Variants in BDP1 observed in about 807,000 individuals in gnomAD.
The protein encoded by BDP1 is BDP1 general transcription factor IIIB subunit.
A neutral mutation model predicts 266.6 loss-of-function variants in BDP1; 169 were observed. That is an observed-to-expected ratio of 0.63 (90% CI 0.56 to 0.72). The LOEUF (loss-of-function observed/expected upper bound fraction) is 0.72, where lower values mean the gene tolerates loss of function less well. BDP1 is among the 30% of genes least tolerant of loss of function. BDP1 has a pLI of 0.00. For synonymous variants in BDP1, 1,090 were observed against 1,022.4 expected, an observed-to-expected ratio of 1.07 and a Z score of -1.26; for missense variants, 3,015 against 3,053.8, an observed-to-expected ratio of 0.99 and a Z score of 0.30.
chr5:71,468,245 C>T (rs889555802), intron 6 of BDP1, among the ~76,000 whole-genome samples: 30 of 152,034 alleles, frequency 2.0e-4, no homozygotes, highest in Admixed American at 4.6e-4. Flanking sequence ...TCTCAAACTC[C>T]TGACCTCAGG....
intron 7 of BDP1, among the ~76,000 whole-genome samples, chr5:71,477,868 C>T (rs1214421740): frequency 6.6e-6 from 1 of 152,124 alleles, no homozygotes; most frequent in East Asian, 1.9e-4. Context: ...AATCTGCCGC[C>T]TCAGCCTCCC....
At position 71,486,554 on chromosome 5, in the gene BDP1, A is replaced by T. The variant is rs748150375; in HGVS notation, c.1140A>T (p.Lys380Asn). The T allele has an allele frequency of 6.5e-7, 1 of 1,544,344 alleles. No homozygotes were observed. The highest frequency in any genetic ancestry group is 1.3e-5 in the South Asian group (1 of 78,432). ...AGAAAGTTCTTGCTGAAGAAGAGAA[A>T]AGAAAACAAAAATCTGTTAAAAATC... ...LLQKVLAEEE[K>N]RKQKSVKNHS... Residue 380 changes from lysine (K) to asparagine (N), a missense_variant, in exon 9 of 39, where the codon AAA becomes AAT. By Grantham distance (94) the Lys-to-Asn change is moderately conservative. This residue lies in a region of BDP1 where 2,383 missense variants were observed against 2,404.9 expected (regional missense o/e 0.99). Transcript: ENST00000358731.
In BDP1 at chr5:71,510,162, A is replaced by G; in HGVS notation, c.3070A>G (p.Lys1024Glu). 6.2e-7 allele frequency: 1 copy of G among 1,613,880 alleles called. No homozygotes were observed. Among genetic ancestry groups the G allele is most frequent in the Non-Finnish European group, 8.5e-7 (1 of 1,179,980 alleles). ...ATGRESSPRE[K>E]TPEVIDATEE... is the part of the protein sequence containing the mutation. ...TGGAAGAGAGAGTTCTCCAAGGGAG[A>G]AGACACCAGAGGTGATTGATGCTAC... The change falls in exon 17 of 39, where the codon AAG becomes GAG. Residue 1024 changes from lysine to glutamate, a missense_variant. This residue lies in a region of BDP1 where 2,383 missense variants were observed against 2,404.9 expected (regional missense o/e 0.99). Coordinates refer to ENST00000358731, the MANE Select transcript of BDP1 (RefSeq NM_018429.3).
intron 13 of BDP1, among the ~76,000 whole-genome samples, chr5:71,500,568 C>A (rs1197005975): frequency 6.6e-6 from 1 of 151,890 alleles, no homozygotes; most frequent in Non-Finnish European, 1.5e-5. Flanking sequence ...CTCAGGTGGT[C>A]CACCTGCCTC....
chr5:71,531,435 G>T (rs439928), intron 25 of BDP1, among the ~76,000 whole-genome samples: 1 of 152,136 alleles, frequency 6.6e-6, no homozygotes, highest in South Asian at 2.1e-4. Context: ...TGGGTATCAA[G>T]AATCGTGCAG....
rs1764259306 is a variant in BDP1 at position 71,501,842 on chromosome 5, AT to A, written c.2048+193del. ...TCTCTGCTTGATATTGCTTATATAA[AT>A]TTTATGAGTCTATTGAGTTAGCCAT... On this transcript the variant is annotated intron_variant, in intron 14 of 38. Transcript: ENST00000358731. 3.9e-5 allele frequency among the ~76,000 whole-genome samples: 6 copies of A among 152,122 alleles called. No homozygotes were observed. The South Asian group carries it at 1.2e-3, about 32-fold the overall frequency.
intron 9 of BDP1, among the ~76,000 whole-genome samples, chr5:71,487,523 G>A (rs1421515821): frequency 2.0e-5 from 3 of 152,152 alleles, no homozygotes; most frequent in African/African-American, 2.4e-5. Flanking sequence ...GATTACAGGC[G>A]TGAGCCACCG....
intron 34 of BDP1, among the ~76,000 whole-genome samples, chr5:71,551,880 G>C (rs986049052): frequency 6.7e-6 from 1 of 148,634 alleles, no homozygotes; most frequent in African/African-American, 2.5e-5. Context: ...CCTCCCGGAC[G>C]GGGCAGCTGG....
At chr5:71,473,582 AAG>A (rs1762404145) in intron 7 of BDP1, among the ~76,000 whole-genome samples, 1 of 151,682 alleles carries the variant, frequency 6.6e-6, no homozygotes, top group Non-Finnish European at 1.5e-5. Context: ...TTCTTAATGT[AAG>A]TTTTAGGTTT....
At chr5:71,552,071 C>G (rs1466695442) in intron 34 of BDP1, among the ~76,000 whole-genome samples, 1 of 150,190 alleles carries the variant, frequency 6.7e-6, no homozygotes, top group Non-Finnish European at 1.5e-5. Flanking sequence ...GACGGGGTGG[C>G]TGCCGGTAGG....
intron 25 of BDP1, among the ~76,000 whole-genome samples, chr5:71,527,331 C>T (rs1432375968): frequency 2.0e-5 from 3 of 152,138 alleles, no homozygotes; most frequent in East Asian, 1.9e-4. Context: ...ATCTCTATGC[C>T]GTCTGGCCTG....
chr5:71,562,802 G>A (rs1443985657), intron 38 of BDP1: 9 of 1,344,428 alleles, frequency 6.7e-6, no homozygotes, highest in Non-Finnish European at 6.8e-6. Context: ...GGAAGCAAAA[G>A]GAAGCAGTGC....
At chr5:71,509,124 A>G (rs1289632666) in intron 16 of BDP1, among the ~76,000 whole-genome samples, 2 of 152,214 alleles carry the variant, frequency 1.3e-5, no homozygotes, top group African/African-American at 2.4e-5. Flanking sequence ...GCAGACATAC[A>G]TCAATCTAGC....
intron 25 of BDP1, among the ~76,000 whole-genome samples, chr5:71,529,637 G>A (rs1262021682): frequency 6.6e-6 from 1 of 152,214 alleles, no homozygotes. Context: ...GTTACAGTAA[G>A]CTACAATCAT....
Position 71,514,984 on chromosome 5 carries a change from T to C in BDP1, c.4511T>C (p.Leu1504Ser), listed in dbSNP as rs2150486982. The stretch of plus-strand genomic sequence containing the variant: ...ATGATATCAAGAGAAAAAGACACAT[T>C]AGGTCACAGGAATGAGGAGGCTGTG... The part of the protein sequence containing the change: ...SLMISREKDT[L>S]GHRNEEAVIL... The change falls in exon 20 of 39, where the codon TTA becomes TCA. Residue 1504 changes from leucine to serine, a missense_variant. Physicochemically the swap from Leu to Ser is moderately radical, Grantham distance 145. Around this residue, in one of 3 missense-constraint regions of BDP1, gnomAD observed 2,383 missense variants for 2,404.9 expected, o/e 0.99. Coordinates refer to ENST00000358731, the MANE Select transcript of BDP1 (RefSeq NM_018429.3). 2 of 1,611,176 alleles carry C rather than the reference T, an allele frequency of 1.2e-6. No individual in the cohort carries two copies. Among genetic ancestry groups the C allele is most frequent in the South Asian group, 2.2e-5 (2 of 90,180 alleles).
At chr5:71,534,177 A>G (rs1335204540) in intron 26 of BDP1, among the ~76,000 whole-genome samples, 2 of 152,216 alleles carry the variant, frequency 1.3e-5, no homozygotes, top group African/African-American at 4.8e-5. Flanking sequence ...ACCCAAGGTC[A>G]TGAAGATTTA....
In BDP1 at chr5:71,564,826, A is replaced by G. The variant is rs1404008855; in HGVS notation, c.7816A>G (p.Thr2606Ala). The stretch of plus-strand genomic sequence containing the variant: ...AAAGCGGGCCCCTCAAGGGGAGGCA[A>G]CCACAGTCTCTGAATATTTCTTCAA... Reference protein sequence around the residue: ...AQKRAPQGEATTVSEYFFNDI... With the variant: ...AQKRAPQGEAATVSEYFFNDI... Residue 2606 changes from threonine (T) to alanine (A), a missense_variant, in exon 39 of 39, where the codon ACC becomes GCC. Physicochemically the swap from Thr to Ala is moderately conservative, Grantham distance 58 (BLOSUM62 0). Transcript: ENST00000358731. 3 of 1,611,704 alleles carry G rather than the reference A, an allele frequency of 1.9e-6. No individual in the cohort carries two copies. The highest frequency in any genetic ancestry group is 1.7e-5 in the Admixed American group (1 of 59,968).
At chr5:71,473,503 G>C (rs1762396487) in intron 7 of BDP1, among the ~76,000 whole-genome samples, 3 of 151,852 alleles carry the variant, frequency 2.0e-5, no homozygotes, top group Non-Finnish European at 2.9e-5. Flanking sequence ...CCTATCTCCT[G>C]ACCTTGTGAT....
At position 71,486,521 on chromosome 5, in the gene BDP1, T is replaced by C; in HGVS notation, c.1107T>C (p.His369=). The part of the protein sequence containing the change: ...KRPFDFDFFA[H]LLQKVLAEEE... ...CTTTTGACTTCGATTTTTTTGCTCATTTGCTTCAGAAAGTTCTTGCTGAAG... is the reference window on the plus strand; with the variant it reads ...CTTTTGACTTCGATTTTTTTGCTCACTTGCTTCAGAAAGTTCTTGCTGAAG... Residue 369 remains histidine (H), a synonymous_variant, in exon 9 of 39, where the codon CAT becomes CAC. Coordinates refer to ENST00000358731, the MANE Select transcript of BDP1 (RefSeq NM_018429.3). 6.5e-7 allele frequency: 1 copy of C among 1,543,870 alleles called. No individual in the cohort carries two copies. Among genetic ancestry groups the C allele is most frequent in the Non-Finnish European group, 8.6e-7 (1 of 1,157,516 alleles).
Sources: gnomAD v4.1 joint callset for allele counts (sites outside exome capture counted in the v4.1 genomes callset) on GRCh38, gnomAD v4.1.1 for gene constraint, gnomAD v4.1.1 regional missense constraint, MANE v1.5 for transcripts, NCBI Gene and HGNC (gene_info 2026-07-23, HGNC 2026-07-21) for gene names.